MPP7: variants seen among roughly 807,000 people sequenced by gnomAD.
MPP7 encodes MAGUK p55 scaffold protein 7, also known as MAGUK p55 subfamily member 7.
Under a neutral mutation model 76.5 loss-of-function variants are expected in MPP7, and 60 were observed. The ratio of observed to expected loss-of-function variants is 0.78; its 90% CI spans 0.64 to 0.97. The LOEUF (loss-of-function observed/expected upper bound fraction) is 0.97, where lower values mean the gene tolerates loss of function less well. Ranked by LOEUF, MPP7 falls within the 50% of genes least tolerant of loss-of-function variation. MPP7 has a pLI of 0.00. For synonymous variants in MPP7, 237 were observed against 244.5 expected, an observed-to-expected ratio of 0.97 and a Z score of 0.29; for missense variants, 641 against 694.0, an observed-to-expected ratio of 0.92 and a Z score of 0.86.
intron 2 of MPP7, among the ~76,000 whole-genome samples, chr10:28,218,324 G>C (rs1426887736): frequency 6.6e-6 from 1 of 152,112 alleles, no homozygotes; most frequent in African/African-American, 2.4e-5. Context: ...TTAATCTTCA[G>C]ATTAAAGGAT....
chr10:28,158,639 TA>T (rs551437741), intron 3 of MPP7, among the ~76,000 whole-genome samples: 266 of 152,214 alleles, frequency 1.7e-3, no homozygotes, highest in Non-Finnish European at 1.9e-3. Flanking sequence ...GAGGGAACAG[TA>T]GAGGCCGACA....
At position 28,126,128 on chromosome 10, in the gene MPP7, T is replaced by TA. The variant is rs1435975139; in HGVS notation, c.448-1038dup. Among the ~76,000 whole-genome samples, 3 of 152,208 alleles carry TA rather than the reference T, an allele frequency of 2.0e-5. No individual in the cohort carries two copies. In the East Asian group the frequency reaches 5.8e-4, roughly 29 times the overall value. On this transcript the variant is annotated intron_variant, in intron 6 of 16. Coordinates refer to ENST00000683449, the MANE Select transcript of MPP7 (RefSeq NM_001318170.2). ...GTATCCTTTATCTATAACTATCAGA[T>TA]ACATAGCCAATAATAGTAAAAAAGT...
intron 5 of MPP7, among the ~76,000 whole-genome samples, chr10:28,144,760 T>C (rs1217820384): frequency 1.3e-5 from 2 of 152,204 alleles, no homozygotes; most frequent in Non-Finnish European, 2.9e-5. Context: ...AGTTTGGGTT[T>C]AGCGCCATTC....
intron 1 of MPP7, among the ~76,000 whole-genome samples, chr10:28,270,348 TC>T (rs1041163265): frequency 6.6e-6 from 1 of 152,000 alleles, no homozygotes; most frequent in Non-Finnish European, 1.5e-5. Context: ...GCCCAGCAGT[TC>T]AGAAGCTTTA....
At chr10:28,238,167 TAAAGAAAAAAA>T (rs1350045117) in intron 2 of MPP7, among the ~76,000 whole-genome samples, 1 of 151,012 alleles carries the variant, frequency 6.6e-6, no homozygotes, top group African/African-American at 2.4e-5. Context: ...TTTTATTTCT[TAAAGAAAAAAA>T]AAAGAGAAAA....
At chr10:28,243,680 C>T (rs1839344743) in intron 1 of MPP7, among the ~76,000 whole-genome samples, 1 of 152,112 alleles carries the variant, frequency 6.6e-6, no homozygotes, top group African/African-American at 2.4e-5. Flanking sequence ...ATACTCCTCC[C>T]TTTTCCAACT....
At chr10:28,190,950 C>T (rs1284291935) in intron 3 of MPP7, among the ~76,000 whole-genome samples, 1 of 152,022 alleles carries the variant, frequency 6.6e-6, no homozygotes, top group East Asian at 1.9e-4. Flanking sequence ...AAAGAGGAGT[C>T]AACAGTACTG....
At chr10:28,153,387 AAATT>A (rs1259266384) in intron 3 of MPP7, among the ~76,000 whole-genome samples, 72 of 152,322 alleles carry the variant, frequency 4.7e-4, no homozygotes, top group African/African-American at 1.6e-3. Flanking sequence ...AAATCTGGTT[AAATT>A]AATTTTATAT....
intron 3 of MPP7, among the ~76,000 whole-genome samples, chr10:28,190,646 T>C (rs901874606): frequency 6.6e-6 from 1 of 152,064 alleles, no homozygotes; most frequent in African/African-American, 2.4e-5. Context: ...CTAAAACTTG[T>C]GAGATGCTGC....
intron 2 of MPP7, among the ~76,000 whole-genome samples, chr10:28,217,030 T>C (rs1015556277): frequency 1.3e-5 from 2 of 152,174 alleles, no homozygotes; most frequent in African/African-American, 4.8e-5. Flanking sequence ...CTAAAATTTC[T>C]GGATGTAATT....
rs1367019090 is a variant in MPP7 at position 28,262,263 on chromosome 10, A to G, written c.-131-23528T>C. 7.8e-4 allele frequency among the ~76,000 whole-genome samples: 38 copies of G among 48,888 alleles called. 2 individuals are homozygous for G. Among genetic ancestry groups the G allele is most frequent in the East Asian group, 4.2e-3 (7 of 1,670 alleles). 32.1% of individuals were successfully genotyped at this position (48,888 alleles called of 152,430 possible). A position where few individuals can be genotyped will look rare whatever the true frequency, so the allele number is the denominator to read the frequency against. ...TATATACATATATATATATATGTATATATATATATATATATTTTTTTTTTT... is the reference window on the plus strand; with the variant it reads ...TATATACATATATATATATATGTATGTATATATATATATATTTTTTTTTTT... On this transcript the variant is annotated intron_variant, in intron 1 of 16. Transcript: ENST00000683449.
intron 3 of MPP7, among the ~76,000 whole-genome samples, chr10:28,169,422 C>T (rs7094670): frequency 2.6e-5 from 4 of 151,894 alleles, no homozygotes; most frequent in Admixed American, 6.6e-5. Flanking sequence ...AGGCTGATGT[C>T]GGAGGTTCTC....
intron 2 of MPP7, 76 bp from the exon 3 acceptor site, chr10:28,202,347 A>G (rs1837804523): frequency 1.1e-6 from 1 of 945,762 alleles, no homozygotes; most frequent in Non-Finnish European, 1.6e-6. Context: ...TGTGTAAATG[A>G]CAGCTGGAAC....
chr10:28,194,028 T>C (rs1489570314), intron 3 of MPP7, among the ~76,000 whole-genome samples: 1 of 152,134 alleles, frequency 6.6e-6, no homozygotes, highest in African/African-American at 2.4e-5. Context: ...TTTTGAAATG[T>C]TTTTGAAACA....
At chr10:28,231,150 A>G (rs1838868976) in intron 2 of MPP7, among the ~76,000 whole-genome samples, 1 of 151,916 alleles carries the variant, frequency 6.6e-6, no homozygotes, top group Non-Finnish European at 1.5e-5. Flanking sequence ...CCACAAAGCA[A>G]TTAAGGTAAA....
At chr10:28,110,073 A>G (rs1333635037) in intron 11 of MPP7, among the ~76,000 whole-genome samples, 1 of 150,726 alleles carries the variant, frequency 6.6e-6, no homozygotes, top group Non-Finnish European at 1.5e-5. Context: ...TGAGAGGTTT[A>G]TATTTTCTTC....
chr10:28,201,559 C>T (rs922751864), intron 3 of MPP7, among the ~76,000 whole-genome samples: 1 of 152,096 alleles, frequency 6.6e-6, no homozygotes, highest in African/African-American at 2.4e-5. Context: ...CCCAATGTTG[C>T]TGTATGGCCA....
At chr10:28,251,863 C>A (rs1345723741) in intron 1 of MPP7, among the ~76,000 whole-genome samples, 1 of 152,112 alleles carries the variant, frequency 6.6e-6, no homozygotes, top group African/African-American at 2.4e-5. Context: ...TCAAGACCAG[C>A]CTGAGCAACA....
chr10:28,189,229 T>C (rs114877184), intron 3 of MPP7, among the ~76,000 whole-genome samples: 162 of 152,206 alleles, frequency 1.1e-3, no homozygotes, highest in African/African-American at 3.8e-3. Context: ...TACTCTGTTA[T>C]AAGGTACCTG....
Sources: allele counts gnomAD v4.1 joint callset (sites outside exome capture counted in the v4.1 genomes callset), GRCh38; gene constraint gnomAD v4.1.1; transcripts MANE v1.5; gene names NCBI Gene and HGNC (gene_info 2026-07-23, HGNC 2026-07-21).